Variants in DIAPH2 observed in about 807,000 individuals in gnomAD.
DIAPH2 encodes the protein protein diaphanous homolog 2.
A neutral mutation model predicts 92.7 loss-of-function variants in DIAPH2; 35 were observed. The ratio of observed to expected loss-of-function variants is 0.38; its 90% CI spans 0.29 to 0.50. The LOEUF (loss-of-function observed/expected upper bound fraction) is 0.50. Among genes scored for constraint, DIAPH2 ranks in the 20% least tolerant of loss-of-function variants. The probability of loss-of-function intolerance (pLI) is 0.94; values close to 1 mark genes in which losing one functional copy is unlikely to be tolerated. For synonymous variants in DIAPH2, 301 were observed against 280.4 expected (o/e 1.07, Z -0.73); for missense variants, 701 against 819.5 (o/e 0.86, Z 1.77).
intron 5 of DIAPH2, among the ~76,000 whole-genome samples, chrX:96,887,002 C>T (rs1297453360): frequency 9.1e-6 from 1 of 110,157 alleles, no homozygotes; most frequent in Non-Finnish European, 1.9e-5. Context: ...AGAAGACCAA[C>T]CTCTCTCCCA....
chrX:97,358,716 C>T (rs1447989470), intron 24 of DIAPH2, among the ~76,000 whole-genome samples: 3 of 110,418 alleles, frequency 2.7e-5, no homozygotes, highest in Admixed American at 9.7e-5. Context: ...AATTACCAAT[C>T]ATGCATGTAA....
chrX:97,194,320 T>G (rs181777159), intron 22 of DIAPH2, among the ~76,000 whole-genome samples: 4 of 107,119 alleles, frequency 3.7e-5, no homozygotes, highest in African/African-American at 6.8e-5. Flanking sequence ...CTTGCTCTGT[T>G]GCCCAGGCTG....
At chrX:97,119,523 G>T (rs1221467758) in intron 21 of DIAPH2, among the ~76,000 whole-genome samples, 1 of 112,058 alleles carries the variant, frequency 8.9e-6, no homozygotes, top group African/African-American at 3.2e-5. Context: ...TTTTTGTGCT[G>T]GTTGGCCTCC....
intron 17 of DIAPH2, among the ~76,000 whole-genome samples, chrX:97,031,641 T>C (rs2066375172): frequency 9.0e-6 from 1 of 111,328 alleles, no homozygotes; most frequent in Non-Finnish European, 1.9e-5. Flanking sequence ...TGCTGAATGC[T>C]AGGGGTACAT....
chrX:97,382,389 G>A (rs753668408), intron 24 of DIAPH2, among the ~76,000 whole-genome samples: 104 of 111,971 alleles, frequency 9.3e-4, no homozygotes, highest in Non-Finnish European at 1.6e-3. Flanking sequence ...TCAGGAGTTC[G>A]AGACCAGCCT....
intron 4 of DIAPH2, among the ~76,000 whole-genome samples, chrX:96,811,363 A>G (rs1480960991): frequency 9.0e-6 from 1 of 111,724 alleles, no homozygotes; most frequent in African/African-American, 3.3e-5. Flanking sequence ...TTGTACATTG[A>G]TTTTGTATCC....
rs991520370 is a variant in DIAPH2, at chrX:96,965,647, C to T, written c.2050+440C>T. 4.5e-5 allele frequency among the ~76,000 whole-genome samples: 5 copies of T among 111,241 alleles called. No homozygotes were observed. In the East Asian group the frequency reaches 1.4e-3, roughly 31 times the overall value. ...TTCCTGTCATGCTTGTATTACTTAT[C>T]AATTTGGATTCCTAGGAAATGTTAT... On this transcript the variant is annotated intron_variant, in intron 17 of 26. Transcript: ENST00000324765.
intron 10 of DIAPH2, among the ~76,000 whole-genome samples, chrX:96,933,908 G>T (rs1280997300): frequency 9.2e-6 from 1 of 108,157 alleles, no homozygotes; most frequent in Admixed American, 1.0e-4. Flanking sequence ...GAGCCACTGC[G>T]CCTGGCCTAA....
At chrX:97,273,653 C>T (rs892585439) in intron 23 of DIAPH2, among the ~76,000 whole-genome samples, 6 of 111,828 alleles carry the variant, frequency 5.4e-5, no homozygotes, top group African/African-American at 2.0e-4. Context: ...AAATGGTATA[C>T]TAATCAGTGA....
At chrX:97,506,507 T>C (rs752906673) in intron 26 of DIAPH2, among the ~76,000 whole-genome samples, 1 of 99,176 alleles carries the variant, frequency 1.0e-5, no homozygotes, top group South Asian at 5.5e-4. Flanking sequence ...AATTGTAACC[T>C]CAGCTGGTGC....
intron 4 of DIAPH2, among the ~76,000 whole-genome samples, chrX:96,844,498 T>A (rs1362760286): frequency 8.9e-6 from 1 of 112,508 alleles, no homozygotes; most frequent in South Asian, 3.6e-4. Context: ...TTACTTTTCC[T>A]TTATTTTTAG....
intron 4 of DIAPH2, among the ~76,000 whole-genome samples, chrX:96,840,953 T>C (rs922976506): frequency 8.9e-6 from 1 of 111,960 alleles, no homozygotes; most frequent in African/African-American, 3.2e-5. Context: ...CTTCTAGTTT[T>C]GGATATCTAA....
At position 97,382,382 on chromosome X, in the gene DIAPH2, G is replaced by A. The variant is rs184244504; in HGVS notation, c.3010-1527G>A. On this transcript the variant is annotated intron_variant, in intron 24 of 26. Transcript: ENST00000324765. ...AAGCCGGGCTTATCACTTGAGGTCAGGAGTTCGAGACCAGCCTAACCAACA... is the reference window on the plus strand; with the variant it reads ...AAGCCGGGCTTATCACTTGAGGTCAAGAGTTCGAGACCAGCCTAACCAACA... Among the ~76,000 whole-genome samples, 14 of 112,124 alleles carry A rather than the reference G, an allele frequency of 1.2e-4. No individual in the cohort carries two copies. In the East Asian group the frequency reaches 3.7e-3, roughly 29 times the overall value.
At position 97,324,925 on chromosome X, in the gene DIAPH2, G is replaced by A. The variant is rs186297757; in HGVS notation, c.2845-23191G>A. 4.2e-3 allele frequency among the ~76,000 whole-genome samples: 466 copies of A among 110,616 alleles called. 3 individuals are homozygous for A. The highest frequency in any genetic ancestry group is 0.013 in the African/African-American group (397 of 30,420). ...AGCGATTCTCCTGCCTCAGCCTCTC[G>A]AGTAGCTTGGCTTACAGACACCTGC... On this transcript the variant is annotated intron_variant, in intron 23 of 26. Transcript: ENST00000324765.
chrX:97,588,348 G>A (rs1008552162), intron 26 of DIAPH2, among the ~76,000 whole-genome samples: 28 of 111,847 alleles, frequency 2.5e-4, no homozygotes, highest in African/African-American at 9.1e-4. Flanking sequence ...AGAATATAAT[G>A]CTTAGTGCTA....
intron 22 of DIAPH2, among the ~76,000 whole-genome samples, chrX:97,239,955 A>G (rs959420347): frequency 3.0e-4 from 33 of 110,575 alleles, no homozygotes; most frequent in African/African-American, 1.1e-3. Context: ...ACCTAGTTAA[A>G]TATTTAAATA....
At chrX:96,973,626 G>A (rs1259048130) in intron 17 of DIAPH2, among the ~76,000 whole-genome samples, 2 of 110,451 alleles carry the variant, frequency 1.8e-5, no homozygotes, top group Non-Finnish European at 3.8e-5. Flanking sequence ...AAGTATATAG[G>A]GGGATGTGCA....
intron 23 of DIAPH2, among the ~76,000 whole-genome samples, chrX:97,266,654 A>G (rs2068339542): frequency 8.9e-6 from 1 of 112,364 alleles, no homozygotes; most frequent in South Asian, 3.7e-4. Context: ...AGAAAGAAAC[A>G]CAGAGCACAA....
At chrX:97,185,409 A>ATATATGTATATATATATG in intron 22 of DIAPH2, among the ~76,000 whole-genome samples, 1 of 36,078 alleles carries the variant, frequency 2.8e-5, no homozygotes, top group South Asian at 1.2e-3. Flanking sequence ...ATATATATAT[A>ATATATGTATATATATATG]TGTATATATA....
Sources: gnomAD v4.1 joint callset for allele counts (sites outside exome capture counted in the v4.1 genomes callset) on GRCh38, gnomAD v4.1.1 for gene constraint, MANE v1.5 for transcripts, NCBI Gene and HGNC (gene_info 2026-07-23, HGNC 2026-07-21) for gene names.